CLASP2: variants seen among roughly 807,000 people sequenced by gnomAD.
CLASP2 encodes CLIP-associating protein 2.
CLASP2 carries 47 observed loss-of-function variants against 194.4 expected under a neutral mutation model. That is an observed-to-expected ratio of 0.24 (90% CI 0.19 to 0.31). The LOEUF (loss-of-function observed/expected upper bound fraction) is 0.31. CLASP2 is among the 10% of genes least tolerant of loss of function. The probability of loss-of-function intolerance (pLI) is 1.00; values close to 1 mark genes in which losing one functional copy is unlikely to be tolerated. For missense variants in CLASP2, 1,445 were observed against 1,823.6 expected (o/e 0.79, Z 3.78); for synonymous variants, 619 against 633.5 (o/e 0.98, Z 0.34).
At chr3:33,652,695 C>T (rs1253778522) in intron 7 of CLASP2, among the ~76,000 whole-genome samples, 1 of 152,164 alleles carries the variant, frequency 6.6e-6, no homozygotes, top group Non-Finnish European at 1.5e-5. Flanking sequence ...TATCCAATTG[C>T]CTACTAGGTA....
intron 6 of CLASP2, among the ~76,000 whole-genome samples, chr3:33,671,635 G>T (rs970422638): frequency 1.3e-5 from 2 of 152,176 alleles, no homozygotes; most frequent in Non-Finnish European, 2.9e-5. Context: ...AAAGCAGGGC[G>T]AGGCATTGCC....
At chr3:33,556,629 G>T (rs1024219561) in intron 29 of CLASP2, among the ~76,000 whole-genome samples, 2 of 151,876 alleles carry the variant, frequency 1.3e-5, no homozygotes, top group African/African-American at 2.4e-5. Flanking sequence ...TAGAGACATG[G>T]TTTCACCATG....
intron 23 of CLASP2, among the ~76,000 whole-genome samples, chr3:33,579,573 CA>C (rs2065581265): frequency 1.3e-5 from 2 of 152,246 alleles, no homozygotes; most frequent in East Asian, 1.9e-4. Flanking sequence ...ATTAGAGTTT[CA>C]GGGGGAAGAG....
intron 10 of CLASP2, 121 bp downstream of exon 10, chr3:33,626,867 T>G (rs1463628589): frequency 5.0e-6 from 3 of 601,874 alleles, no homozygotes; most frequent in Middle Eastern, 4.4e-4. Context: ...AAAGAAATGT[T>G]ACCTATCAGA....
At chr3:33,704,010 G>A (rs1024103373) in intron 1 of CLASP2, among the ~76,000 whole-genome samples, 20 of 152,358 alleles carry the variant, frequency 1.3e-4, no homozygotes, top group South Asian at 1.0e-3. Flanking sequence ...TACTGTTGGA[G>A]TCAAACTGCA....
At chr3:33,531,218 A>C (rs1448767240) in intron 34 of CLASP2, among the ~76,000 whole-genome samples, 1 of 152,342 alleles carries the variant, frequency 6.6e-6, no homozygotes, top group East Asian at 1.9e-4. Flanking sequence ...GAAAATTAAA[A>C]ATTTCTGTGT....
At chr3:33,513,263 G>C (rs1369257858) in intron 36 of CLASP2, among the ~76,000 whole-genome samples, 1 of 152,238 alleles carries the variant, frequency 6.6e-6, no homozygotes, top group African/African-American at 2.4e-5. Flanking sequence ...ACTGGGTCAG[G>C]CAAGGTGGCT....
At position 33,658,906 on chromosome 3, in the gene CLASP2, G is replaced by C. The variant is rs140084955; in HGVS notation, c.715+4539C>G. 382 of 1,358,422 alleles carry C rather than the reference G, an allele frequency of 2.8e-4. 1 individual carries two copies. The highest frequency in any genetic ancestry group is 2.6e-3 in the East Asian group (103 of 40,058). 84.1% of individuals were successfully genotyped at this position (1,358,422 alleles called of 1,614,324 possible). A position where few individuals can be genotyped will look rare whatever the true frequency, so the allele number is the denominator to read the frequency against. ...TAGGGAGAAATATATTTCTTACACA[G>C]CAAATGATCGTCACCTTAAAAGGAA... On this transcript the variant is annotated intron_variant, in intron 7 of 38. Transcript: ENST00000682230.
intron 22 of CLASP2, among the ~76,000 whole-genome samples, chr3:33,584,462 G>A (rs1441084203): frequency 6.6e-6 from 1 of 150,882 alleles, no homozygotes; most frequent in Admixed American, 6.6e-5. Flanking sequence ...TAGTAGAGAC[G>A]GGGGTATTGG....
intron 10 of CLASP2, among the ~76,000 whole-genome samples, chr3:33,625,811 T>C (rs1310336092): frequency 6.6e-6 from 1 of 152,010 alleles, no homozygotes; most frequent in Non-Finnish European, 1.5e-5. Flanking sequence ...AGTTTGTTTC[T>C]TTAATAGGCA....
At chr3:33,567,182 A>G (rs1430886121) in intron 26 of CLASP2, among the ~76,000 whole-genome samples, 2 of 152,152 alleles carry the variant, frequency 1.3e-5, no homozygotes, top group East Asian at 1.9e-4. Context: ...ATACTTTCAC[A>G]AGTTAAAATA....
intron 29 of CLASP2, 121 bp downstream of exon 29, chr3:33,559,186 A>T (rs1191018497): frequency 1.3e-6 from 1 of 755,686 alleles, no homozygotes. Context: ...CTGAAAGTTT[A>T]TAAAAACAAA....
intron 8 of CLASP2, among the ~76,000 whole-genome samples, chr3:33,641,580 T>C (rs745739932): frequency 2.6e-5 from 4 of 151,794 alleles, no homozygotes; most frequent in Non-Finnish European, 5.9e-5. Context: ...ACAAAGCAAA[T>C]TAACATACAC....
At chr3:33,586,161 G>C (rs1260975055) in intron 21 of CLASP2, among the ~76,000 whole-genome samples, 1 of 151,778 alleles carries the variant, frequency 6.6e-6, no homozygotes, top group Non-Finnish European at 1.5e-5. Flanking sequence ...CCGAGACAGA[G>C]TCTTGCTCTG....
At chr3:33,572,960 A>G in intron 25 of CLASP2, 150 bp downstream of exon 25, 1 of 775,174 alleles carries the variant, frequency 1.3e-6, no homozygotes, top group South Asian at 2.2e-5. Context: ...GTCCTAAAAG[A>G]CTGAAGCTTT....
chr3:33,641,894 T>C (rs2081372034), intron 8 of CLASP2, among the ~76,000 whole-genome samples: 1 of 151,954 alleles, frequency 6.6e-6, no homozygotes, highest in Non-Finnish European at 1.5e-5. Context: ...CTATTTATTA[T>C]ATACCTCGGA....
chr3:33,574,746 C>T (rs1049262402), intron 24 of CLASP2, among the ~76,000 whole-genome samples: 2 of 152,102 alleles, frequency 1.3e-5, no homozygotes, highest in Admixed American at 1.3e-4. Flanking sequence ...CCTAAATGTT[C>T]TTCCTATTTG....
At chr3:33,518,207 G>T (rs1395992119) in intron 34 of CLASP2, among the ~76,000 whole-genome samples, 2 of 152,076 alleles carry the variant, frequency 1.3e-5, no homozygotes, top group Non-Finnish European at 2.9e-5. Context: ...AAGGAGTTTT[G>T]ATTTGTTTTT....
At chr3:33,676,645 A>C (rs2088705709) in intron 6 of CLASP2, among the ~76,000 whole-genome samples, 1 of 152,206 alleles carries the variant, frequency 6.6e-6, no homozygotes, top group African/African-American at 2.4e-5. Flanking sequence ...AGGCATGGGC[A>C]AGGACTTCAT....
Sources: allele counts gnomAD v4.1 joint callset (sites outside exome capture counted in the v4.1 genomes callset), GRCh38; gene constraint gnomAD v4.1.1; transcripts MANE v1.5; gene names NCBI Gene and HGNC (gene_info 2026-07-23, HGNC 2026-07-21).